Variants in ST8SIA1 observed in about 807,000 individuals in gnomAD.
ST8SIA1 encodes alpha-N-acetylneuraminide alpha-2,8-sialyltransferase.
A neutral mutation model predicts 35.9 loss-of-function variants in ST8SIA1; 16 were observed. The ratio of observed to expected loss-of-function variants is 0.45; its 90% CI spans 0.30 to 0.68. The LOEUF (loss-of-function observed/expected upper bound fraction) is 0.68, where lower values mean the gene tolerates loss of function less well. Ranked by LOEUF, ST8SIA1 falls within the 30% of genes least tolerant of loss-of-function variation. ST8SIA1 has a pLI of 0.09. For missense variants in ST8SIA1, 383 were observed against 453.6 expected (o/e 0.84, Z 1.41); for synonymous variants, 170 against 169.6 (o/e 1.00, Z -0.02).
rs1251536347 is a variant in ST8SIA1 at position 22,220,753 on chromosome 12, GTA to G, written c.585-18717_585-18716del. Among the ~76,000 whole-genome samples, 34 of 152,288 alleles carry G rather than the reference GTA, an allele frequency of 2.2e-4. 1 individual carries two copies. Among genetic ancestry groups the G allele is most frequent in the African/African-American group, 7.9e-4 (33 of 41,570 alleles). ...CCCTCCCAGGATCCTCACGGAAATA[GTA>G]GATCCTTATGCTGTCTCCAATGTGG... On this transcript the variant is annotated intron_variant, in intron 4 of 4. Transcript: ENST00000396037.
intron 4 of ST8SIA1, among the ~76,000 whole-genome samples, chr12:22,235,927 C>T (rs1195911780): frequency 6.6e-6 from 1 of 152,032 alleles, no homozygotes; most frequent in Non-Finnish European, 1.5e-5. Context: ...TGCACATACA[C>T]ACGCTAATGT....
At chr12:22,329,683 C>T (rs752131292) in intron 1 of ST8SIA1, among the ~76,000 whole-genome samples, 1 of 152,156 alleles carries the variant, frequency 6.6e-6, no homozygotes, top group Non-Finnish European at 1.5e-5. Flanking sequence ...GGAAATTGAG[C>T]TTTTAACATC....
chr12:22,250,125 G>A (rs1198129829), intron 3 of ST8SIA1, among the ~76,000 whole-genome samples: 2 of 152,208 alleles, frequency 1.3e-5, no homozygotes, highest in South Asian at 2.1e-4. Context: ...ACCCCACCCT[G>A]CCCCAGTTGC....
At chr12:22,307,651 C>A (rs1866401848) in intron 1 of ST8SIA1, among the ~76,000 whole-genome samples, 1 of 152,142 alleles carries the variant, frequency 6.6e-6, no homozygotes, top group Non-Finnish European at 1.5e-5. Context: ...GTTGTGAGTA[C>A]TGAAGTTGTA....
In ST8SIA1 at chr12:22,253,914, G is replaced by C. The variant is rs185535877; in HGVS notation, c.491+1366C>G. Reference sequence around the variant, plus strand: ...CCCCCACAAGTACATGGCTTCTCTTGAAACTCTCTCAAATAAAGTTTTTAC... The same window carrying C: ...CCCCCACAAGTACATGGCTTCTCTTCAAACTCTCTCAAATAAAGTTTTTAC... On this transcript the variant is annotated intron_variant, in intron 3 of 4. Transcript: ENST00000396037. Among the ~76,000 whole-genome samples the C allele has an allele frequency of 2.4e-3, 360 of 152,252 alleles. 7 individuals carry two copies. Among genetic ancestry groups the C allele is most frequent in the African/African-American group, 8.3e-3 (344 of 41,550 alleles).
chr12:22,265,263 A>T (rs1184065439), intron 2 of ST8SIA1, among the ~76,000 whole-genome samples: 1 of 152,208 alleles, frequency 6.6e-6, no homozygotes, highest in African/African-American at 2.4e-5. Flanking sequence ...CAGGCCCAAC[A>T]TTTCAAAGGT....
chr12:22,232,490 A>G (rs981023297), intron 4 of ST8SIA1, among the ~76,000 whole-genome samples: 1 of 152,100 alleles, frequency 6.6e-6, no homozygotes, highest in African/African-American at 2.4e-5. Flanking sequence ...GAAAAGGGGG[A>G]ATTAGGAGTT....
intron 4 of ST8SIA1, among the ~76,000 whole-genome samples, chr12:22,245,043 C>A (rs2120738160): frequency 6.6e-6 from 1 of 152,190 alleles, no homozygotes; most frequent in East Asian, 1.9e-4. Flanking sequence ...ATTATAATAG[C>A]TTTTTAATAA....
At chr12:22,324,308 A>C (rs1866644145) in intron 1 of ST8SIA1, 1 of 152,242 alleles carries the variant, frequency 6.6e-6, no homozygotes, top group Admixed American at 6.5e-5. Context: ...CTGGCGCTTC[A>C]AACTAAAAAG....
chr12:22,226,057 C>A (rs770685473), intron 4 of ST8SIA1, among the ~76,000 whole-genome samples: 1 of 152,132 alleles, frequency 6.6e-6, no homozygotes, highest in African/African-American at 2.4e-5. Context: ...TCTTATACTG[C>A]AAATTTCTTA....
At chr12:22,218,656 G>A (rs1301582152) in intron 4 of ST8SIA1, among the ~76,000 whole-genome samples, 1 of 51,492 alleles carries the variant, frequency 1.9e-5, no homozygotes, top group African/African-American at 6.0e-5. Context: ...AGCCAGGCCT[G>A]GTGGCAGGCG....
chr12:22,306,033 C>G (rs1866379367), intron 1 of ST8SIA1, among the ~76,000 whole-genome samples: 1 of 152,154 alleles, frequency 6.6e-6, no homozygotes, highest in Non-Finnish European at 1.5e-5. Flanking sequence ...TGAACAAAGA[C>G]AGCTTGGAGG....
At chr12:22,255,167 C>T (rs974216222) in intron 3 of ST8SIA1, 113 bp downstream of exon 3, 11 of 810,548 alleles carry the variant, frequency 1.4e-5, no homozygotes, top group Admixed American at 7.8e-5. Context: ...AGCTAAGGAG[C>T]GTGCTACAAC....
At chr12:22,261,204 C>G (rs1228839268) in intron 2 of ST8SIA1, among the ~76,000 whole-genome samples, 1 of 151,914 alleles carries the variant, frequency 6.6e-6, no homozygotes. Context: ...GAGTGCAGTG[C>G]CGCAATCTTG....
At position 22,237,466 on chromosome 12, in the gene ST8SIA1, GA is replaced by G. The variant is rs530229198; in HGVS notation, c.584+11539del. ...AAATTTTGCAACTTTGGAAAATGTT[GA>G]TTTTTTTTCCTTAGAGATTTTCTCT... On this transcript the variant is annotated intron_variant, in intron 4 of 4. Transcript: ENST00000396037. 8.3e-3 allele frequency among the ~76,000 whole-genome samples: 1,263 copies of G among 151,432 alleles called. 23 individuals are homozygous for G. The highest frequency in any genetic ancestry group is 0.029 in the African/African-American group (1,209 of 41,344).
chr12:22,237,457 G>A (rs907200883), intron 4 of ST8SIA1, among the ~76,000 whole-genome samples: 1 of 151,416 alleles, frequency 6.6e-6, no homozygotes, highest in African/African-American at 2.4e-5. Flanking sequence ...TGCAACTTTG[G>A]AAAATGTTGA....
rs532408431 is a variant in ST8SIA1, at chr12:22,284,574, T to C, written c.381+2575A>G. The stretch of plus-strand genomic sequence containing the variant: ...AAGATTTCTATGAATTAATTAGTCA[T>C]TTCAGATTCTTAGCAGGAAAATACA... On this transcript the variant is annotated intron_variant, in intron 2 of 4. Coordinates refer to ENST00000396037, the MANE Select transcript of ST8SIA1 (RefSeq NM_003034.4). Among the ~76,000 whole-genome samples the C allele has an allele frequency of 2.0e-5, 3 of 152,324 alleles. No individual in the cohort carries two copies. In the East Asian group the frequency reaches 5.8e-4, roughly 29 times the overall value.
intron 1 of ST8SIA1, among the ~76,000 whole-genome samples, chr12:22,308,747 A>T (rs1312548906): frequency 2.6e-5 from 4 of 152,236 alleles, no homozygotes; most frequent in South Asian, 2.1e-4. Context: ...ACTCATCCTG[A>T]TCGCTGAAGC....
intron 4 of ST8SIA1, among the ~76,000 whole-genome samples, chr12:22,238,771 AATT>A (rs1041913366): frequency 6.6e-6 from 1 of 152,194 alleles, no homozygotes; most frequent in African/African-American, 2.4e-5. Flanking sequence ...GTATGATAAT[AATT>A]ATTGTTTTAT....
Sources: allele counts gnomAD v4.1 joint callset (sites outside exome capture counted in the v4.1 genomes callset), GRCh38; gene constraint gnomAD v4.1.1; transcripts MANE v1.5; gene names NCBI Gene and HGNC (gene_info 2026-07-23, HGNC 2026-07-21).